BUB1: variants seen among roughly 807,000 people sequenced by gnomAD.
The protein encoded by BUB1 is BUB1 mitotic checkpoint serine/threonine kinase.
In BUB1, 84 loss-of-function variants were observed where a neutral mutation model predicts 135.2. The observed-to-expected ratio is 0.62, with a 90% CI of 0.52 to 0.74. The LOEUF (loss-of-function observed/expected upper bound fraction) is 0.74. Ranked by LOEUF, BUB1 falls within the 30% of genes least tolerant of loss-of-function variation. BUB1 has a pLI of 0.00. For synonymous variants in BUB1, 403 were observed against 434.4 expected (o/e 0.93, Z 0.90); for missense variants, 1,162 against 1,288.3 (o/e 0.90, Z 1.50).
chr2:110,642,400 T>G (rs892578066), intron 19 of BUB1, 166 bp from the exon 20 acceptor site: 1 of 467,792 alleles, frequency 2.1e-6, no homozygotes, highest in East Asian at 3.6e-5. Flanking sequence ...AAATAATCAA[T>G]CAACCAAAGT....
chr2:110,638,087 T>C lies in BUB1; in HGVS notation c.3135A>G (p.Pro1045=), dbSNP rs1689410797. The change falls in exon 25 of 25, where the codon CCA becomes CCG. Residue 1045 remains proline, a synonymous_variant. Transcript: ENST00000302759. ...MLNIPDCHHL[P]SLDLLRQKLK... is the part of the protein sequence containing the mutation. ...GCTTTTGCCTTAACAAATCCAAAGA[T>C]GGAAGATGATGACAATCTGGAATAT... The C allele has an allele frequency of 6.2e-7, 1 of 1,612,588 alleles. No homozygotes were observed.
rs778192976 is a variant in BUB1, at chr2:110,641,080, C to A, written c.2909G>T (p.Gly970Val). The A allele has an allele frequency of 5.6e-6, 9 of 1,610,054 alleles. No individual in the cohort carries two copies. The African/African-American group carries it at 9.4e-5, about 17-fold the overall frequency. ...TIFTAKCETSGFQCVEMLSNK... is the reference protein window; with the variant it reads ...TIFTAKCETSVFQCVEMLSNK... ...GCTGAGCATCTCAACACACTGAAAA[C>A]CAGATGTTTCACACTTTGCTGTGAA... is the stretch of plus-strand genomic sequence containing the variant. Residue 970 changes from glycine to valine, a missense_variant, in exon 23 of 25, where the codon GGT (glycine) becomes GTT (valine). Transcript: ENST00000302759.
intron 4 of BUB1, 52 bp from the exon 5 acceptor site, chr2:110,670,620 A>T: frequency 6.4e-7 from 1 of 1,566,582 alleles, no homozygotes. Flanking sequence ...TACAGTACAT[A>T]GCTGTTAGAG....
At chr2:110,639,929 G>T in intron 23 of BUB1, 81 bp from the exon 24 acceptor site, 2 of 1,159,684 alleles carry the variant, frequency 1.7e-6, no homozygotes, top group Non-Finnish European at 2.6e-6. Context: ...AACTTAGGCA[G>T]CAAGTTAAAT....
At position 110,658,499 on chromosome 2, in the gene BUB1, T is replaced by C; in HGVS notation, c.1427A>G (p.Gln476Arg). ...AGAAATATCAGGAAGTGTAGGAGCCTGAAACATATTCATGATGAAACCTTA... is the reference window on the plus strand; with the variant it reads ...AGAAATATCAGGAAGTGTAGGAGCCCGAAACATATTCATGATGAAACCTTA... ...EALGFIMNMF[Q>R]APTLPDISDD... The change falls in exon 13 of 25, where the codon CAG (glutamine) becomes CGG (arginine). Residue 476 changes from glutamine (Q) to arginine (R), a missense_variant. Physicochemically the swap from Gln to Arg is conservative, Grantham distance 43 (BLOSUM62 1). Coordinates refer to ENST00000302759, the MANE Select transcript of BUB1 (RefSeq NM_004336.5). 6.2e-7 allele frequency: 1 copy of C among 1,613,982 alleles called. No homozygotes were observed. Among genetic ancestry groups the C allele is most frequent in the Non-Finnish European group, 8.5e-7 (1 of 1,179,936 alleles).
intron 4 of BUB1, among the ~76,000 whole-genome samples, chr2:110,671,411 G>A (rs1331482412): frequency 2.6e-5 from 4 of 152,170 alleles, no homozygotes; most frequent in Non-Finnish European, 5.9e-5. Flanking sequence ...ATAAATGGAA[G>A]TTTATTATAC....
intron 24 of BUB1, among the ~76,000 whole-genome samples, chr2:110,638,747 G>A (rs556011938): frequency 1.3e-5 from 2 of 152,332 alleles, no homozygotes; most frequent in East Asian, 3.9e-4. Context: ...CACACTGGTG[G>A]TCAGAGATGA....
At chr2:110,649,147 T>TCTCA in intron 19 of BUB1, 87 bp downstream of exon 19, 1 of 1,137,482 alleles carries the variant, frequency 8.8e-7, no homozygotes, top group South Asian at 1.8e-5. Flanking sequence ...AATAGGAGAA[T>TCTCA]CACACACACA....
In BUB1 at chr2:110,641,154, A is replaced by C; in HGVS notation, c.2835T>G (p.Ile945Met). 1.2e-6 allele frequency: 2 copies of C among 1,612,714 alleles called. No individual in the cohort carries two copies. The highest frequency in any genetic ancestry group is 1.7e-6 in the Non-Finnish European group (2 of 1,179,572). The stretch of plus-strand genomic sequence containing the variant: ...TCATATCTATACTCTGACCCAGGTC[A>C]ATCAGTGCCAAGCCAGCAGATAAAT... ...EDDLSAGLAL[I>M]DLGQSIDMKL... Residue 945 changes from isoleucine (I) to methionine (M), a missense_variant, in exon 23 of 25, where the codon ATT becomes ATG. Physicochemically the swap from Ile to Met is conservative, Grantham distance 10. Coordinates refer to ENST00000302759, the MANE Select transcript of BUB1 (RefSeq NM_004336.5).
chr2:110,664,699 T>C (rs1374310199), intron 9 of BUB1, among the ~76,000 whole-genome samples: 1 of 151,780 alleles, frequency 6.6e-6, no homozygotes, highest in Non-Finnish European at 1.5e-5. Flanking sequence ...GGAGAACAAT[T>C]TATTAACAAT....
At chr2:110,657,734 C>A (rs2104536974) in intron 13 of BUB1, 89 bp from the exon 14 acceptor site, 1 of 900,906 alleles carries the variant, frequency 1.1e-6, no homozygotes, top group African/African-American at 1.7e-5. Context: ...AGAAAAAGGA[C>A]TAACAGCTGA....
In BUB1 at chr2:110,642,149, A is replaced by G. The variant is rs1307111292; in HGVS notation, c.2433T>C (p.Asp811=). Residue 811 remains aspartate (D), a synonymous_variant, in exon 20 of 25, where the codon GAT becomes GAC. Transcript: ENST00000302759. Reference sequence around the variant, plus strand: ...AAACAAATTTCTGTTTATTTTTAGCATCATTCAGATCTCCCTGGGTAGCTT... The same window carrying G: ...AAACAAATTTCTGTTTATTTTTAGCGTCATTCAGATCTCCCTGGGTAGCTT... ...VYEATQGDLN[D]AKNKQKFVLK... is the part of the protein sequence containing the mutation. 4 of 1,612,670 alleles carry G rather than the reference A, an allele frequency of 2.5e-6. No homozygotes were observed. In the South Asian group the frequency reaches 3.3e-5, roughly 13 times the overall value.
intron 3 of BUB1, among the ~76,000 whole-genome samples, chr2:110,673,604 G>A (rs180684367): frequency 3.3e-5 from 5 of 151,750 alleles, no homozygotes; most frequent in South Asian, 4.2e-4. Flanking sequence ...GTGGGGGAGC[G>A]GGGGGTGGGG....
chr2:110,653,338 T>C (rs1689832371), intron 17 of BUB1, 98 bp downstream of exon 17: 2 of 1,243,856 alleles, frequency 1.6e-6, no homozygotes, highest in East Asian at 2.4e-5. Flanking sequence ...AATTAGGTAT[T>C]CTATTACAGC....
chr2:110,650,906 A>C lies in BUB1; in HGVS notation c.1965-122T>G, dbSNP rs1574320411. On this transcript the variant is annotated intron_variant, in intron 17 of 24. Coordinates refer to ENST00000302759, the MANE Select transcript of BUB1 (RefSeq NM_004336.5). ...CATTTCACAATAGCCTCACAGACTA[A>C]AAGTTGATTAAAGCATTTTTAGACA... The C allele has an allele frequency of 4.8e-6, 4 of 830,712 alleles. No individual in the cohort carries two copies. In the East Asian group the frequency reaches 1.0e-4, roughly 21 times the overall value. The allele number at this position is 830,712 out of a possible 1,614,324, so 51.5% of individuals were successfully genotyped here.
At chr2:110,656,873 A>C (rs1217884834) in intron 15 of BUB1, among the ~76,000 whole-genome samples, 163 bp downstream of exon 15, 1 of 152,236 alleles carries the variant, frequency 6.6e-6, no homozygotes, top group Non-Finnish European at 1.5e-5. Flanking sequence ...TTTCTTCTTG[A>C]ATAATTATTA....
intron 11 of BUB1, among the ~76,000 whole-genome samples, chr2:110,659,641 G>A (rs1044456919): frequency 6.6e-6 from 1 of 152,130 alleles, no homozygotes; most frequent in South Asian, 2.1e-4. Flanking sequence ...AAGTAGTACC[G>A]AATAACAGTG....
intron 1 of BUB1, among the ~76,000 whole-genome samples, chr2:110,675,830 T>C (rs1194691347): frequency 2.6e-5 from 4 of 152,124 alleles, no homozygotes; most frequent in Non-Finnish European, 5.9e-5. Flanking sequence ...TTTTTATTTT[T>C]TGCCGAGATG....
At chr2:110,674,053 A>G (rs1049988679) in intron 3 of BUB1, 33 bp downstream of exon 3, 2 of 1,441,806 alleles carry the variant, frequency 1.4e-6, no homozygotes, top group Non-Finnish European at 1.9e-6. Context: ...CAACATGATT[A>G]TAGATTTGAT....
Sources: allele counts gnomAD v4.1 joint callset (sites outside exome capture counted in the v4.1 genomes callset), GRCh38; gene constraint gnomAD v4.1.1; transcripts MANE v1.5; gene names NCBI Gene and HGNC (gene_info 2026-07-23, HGNC 2026-07-21).